Variants in PTPRD observed in about 807,000 individuals in gnomAD.
PTPRD encodes the protein protein tyrosine phosphatase receptor type D, also known as receptor-type tyrosine-protein phosphatase delta.
PTPRD carries 34 observed loss-of-function variants against 214.5 expected under a neutral mutation model. The observed-to-expected ratio is 0.16, with a 90% CI of 0.12 to 0.21. The LOEUF is 0.21. PTPRD is among the 10% of genes least tolerant of loss of function. The pLI, the probability that PTPRD is intolerant of heterozygous loss-of-function variation, is 1.00. For missense variants in PTPRD, 2,545 were observed against 2,398.7 expected, an observed-to-expected ratio of 1.06 and a Z score of -1.27; for synonymous variants, 1,128 against 845.7, an observed-to-expected ratio of 1.33 and a Z score of -5.79.
chr9:8,933,340 G>GTTTTTTTTTTTTTTT (rs71317383), intron 11 of PTPRD, among the ~76,000 whole-genome samples: 1,222 of 80,150 alleles, frequency 0.015, 191 homozygotes, highest in East Asian at 0.1. Context: ...CAACCTTGAG[G>GTTTTTTTTTTTTTTT]TTTTTTTTTT....
chr9:9,260,692 C>T (rs536215267), intron 9 of PTPRD, among the ~76,000 whole-genome samples: 1 of 151,834 alleles, frequency 6.6e-6, no homozygotes, highest in East Asian at 2.0e-4. Flanking sequence ...AGATGATAGA[C>T]AAAGAAATAT....
intron 5 of PTPRD, among the ~76,000 whole-genome samples, chr9:9,911,924 T>C (rs948951392): frequency 6.6e-6 from 1 of 152,120 alleles, no homozygotes; most frequent in African/African-American, 2.4e-5. Context: ...ATCTGTTTTT[T>C]CTTGTCACTG....
chr9:8,727,988 C>T lies in PTPRD; in HGVS notation c.64+5792G>A, dbSNP rs535359490. On this transcript the variant is annotated intron_variant, in intron 12 of 45. Transcript: ENST00000381196. Reference sequence around the variant, plus strand: ...TGAGGCCAGGCGCAGTGGCTCATGCCTGTAATCCCAGCAATTTGGGAGGCC... The same window carrying T: ...TGAGGCCAGGCGCAGTGGCTCATGCTTGTAATCCCAGCAATTTGGGAGGCC... Among the ~76,000 whole-genome samples the T allele has an allele frequency of 1.3e-4, 20 of 152,330 alleles. 1 individual carries two copies. Among genetic ancestry groups the T allele is most frequent in the African/African-American group, 4.8e-4 (20 of 41,572 alleles).
intron 23 of PTPRD, 114 bp downstream of exon 23, chr9:8,504,147 C>A: frequency 9.3e-7 from 1 of 1,077,020 alleles, no homozygotes. Flanking sequence ...GCATACTAAC[C>A]TAGAGACTAA....
At chr9:9,760,095 T>C (rs1285699601) in intron 6 of PTPRD, among the ~76,000 whole-genome samples, 2 of 152,186 alleles carry the variant, frequency 1.3e-5, no homozygotes, top group East Asian at 3.9e-4. Flanking sequence ...CATAGTGTCT[T>C]GAGAAGGATC....
intron 2 of PTPRD, among the ~76,000 whole-genome samples, chr9:10,471,743 A>T (rs2099032421): frequency 6.6e-6 from 1 of 152,158 alleles, no homozygotes; most frequent in Admixed American, 6.6e-5. Flanking sequence ...CGTTATAGTA[A>T]TAAGTATAAC....
chr9:9,186,095 T>G (rs554989870), intron 9 of PTPRD, among the ~76,000 whole-genome samples: 3 of 152,242 alleles, frequency 2.0e-5, no homozygotes, highest in African/African-American at 7.2e-5. Context: ...GAAGTCCCAT[T>G]TTATTTTCTG....
intron 3 of PTPRD, among the ~76,000 whole-genome samples, chr9:10,325,243 A>C (rs2096622508): frequency 6.6e-6 from 1 of 152,020 alleles, no homozygotes; most frequent in African/African-American, 2.4e-5. Context: ...ACAAGCACAC[A>C]GGAAATGCTG....
intron 2 of PTPRD, among the ~76,000 whole-genome samples, chr9:10,405,261 G>A (rs2098334845): frequency 6.6e-6 from 1 of 151,626 alleles, no homozygotes; most frequent in Non-Finnish European, 1.5e-5. Flanking sequence ...GCCTTCGAAA[G>A]CTACCATGCA....
At chr9:8,713,316 G>T (rs1016484765) in intron 12 of PTPRD, 7 of 784,836 alleles carry the variant, frequency 8.9e-6, no homozygotes, top group African/African-American at 1.7e-5. Context: ...ACGCCATGAA[G>T]GCCTCGGGCA....
chr9:8,516,342 G>A (rs528357875), intron 21 of PTPRD, among the ~76,000 whole-genome samples: 4 of 152,248 alleles, frequency 2.6e-5, no homozygotes, highest in Non-Finnish European at 4.4e-5. Context: ...CAACTGTGGT[G>A]AGACATATTT....
At position 8,698,544 on chromosome 9, in the gene PTPRD, T is replaced by A. The variant is rs548559328; in HGVS notation, c.64+35236A>T. Among the ~76,000 whole-genome samples, 20 of 152,354 alleles carry A rather than the reference T, an allele frequency of 1.3e-4. No homozygotes were observed. The East Asian group carries it at 2.9e-3, about 22-fold the overall frequency. On this transcript the variant is annotated intron_variant, in intron 12 of 45. Coordinates refer to ENST00000381196, the MANE Select transcript of PTPRD (RefSeq NM_002839.4). ...GTCATTTTCTGTTGAAAGTTTTATC[T>A]ACATCTGTACTTTATCAAGGCCTAT...
chr9:10,376,069 G>A (rs1259348269), intron 2 of PTPRD, among the ~76,000 whole-genome samples: 2 of 151,908 alleles, frequency 1.3e-5, no homozygotes, highest in Non-Finnish European at 2.9e-5. Context: ...TTCTGTGTAA[G>A]GGACTATGGC....
intron 11 of PTPRD, among the ~76,000 whole-genome samples, chr9:8,931,043 A>G (rs1314797496): frequency 2.6e-5 from 4 of 152,144 alleles, no homozygotes; most frequent in African/African-American, 9.7e-5. Context: ...GCCCATGCCT[A>G]TGTCCTGAAT....
At chr9:9,511,944 T>C (rs1331187056) in intron 8 of PTPRD, among the ~76,000 whole-genome samples, 1 of 151,778 alleles carries the variant, frequency 6.6e-6, no homozygotes, top group African/African-American at 2.4e-5. Flanking sequence ...CTATTTATCC[T>C]TCTCTACTAG....
intron 14 of PTPRD, among the ~76,000 whole-genome samples, chr9:8,574,808 C>T (rs889704726): frequency 3.3e-5 from 5 of 152,148 alleles, no homozygotes; most frequent in Non-Finnish European, 5.9e-5. Flanking sequence ...AAACAACTCA[C>T]TGCTGAACTC....
intron 5 of PTPRD, among the ~76,000 whole-genome samples, chr9:9,794,754 AC>A (rs1306242737): frequency 4.6e-5 from 7 of 152,222 alleles, no homozygotes; most frequent in Non-Finnish European, 8.8e-5. Flanking sequence ...CTGGAATCAA[AC>A]CTGTAGTAAG....
intron 2 of PTPRD, among the ~76,000 whole-genome samples, chr9:10,508,558 A>C (rs2046870158): frequency 6.6e-6 from 1 of 152,196 alleles, no homozygotes; most frequent in Non-Finnish European, 1.5e-5. Context: ...AATGGCCATC[A>C]ATAATAGAAT....
chr9:9,312,393 T>C (rs1959267291), intron 9 of PTPRD, among the ~76,000 whole-genome samples: 1 of 152,216 alleles, frequency 6.6e-6, no homozygotes, highest in South Asian at 2.1e-4. Flanking sequence ...TTCTACATTG[T>C]ACAGCATGTC....
Sources: gnomAD v4.1 joint callset for allele counts (sites outside exome capture counted in the v4.1 genomes callset) on GRCh38, gnomAD v4.1.1 for gene constraint, MANE v1.5 for transcripts, NCBI Gene and HGNC (gene_info 2026-07-23, HGNC 2026-07-21) for gene names.